The following PLAGL1 variants were observed in gnomAD, a reference collection of about 807,000 sequenced individuals.
PLAGL1 encodes zinc finger protein PLAGL1.
PLAGL1 carries 1 observed loss-of-function variant against 4.6 expected under a neutral mutation model. The observed-to-expected ratio is 0.22, with a 90% CI of 0.08 to 1.03. The LOEUF is 1.03. Among genes scored for constraint, PLAGL1 ranks in the 50% least tolerant of loss-of-function variants. PLAGL1 has a pLI of 0.58. For synonymous variants in PLAGL1, 240 were observed against 237.8 expected (o/e 1.01, Z -0.08); for missense variants, 464 against 570.4 (o/e 0.81, Z 1.90).
intron 1 of PLAGL1, among the ~76,000 whole-genome samples, chr6:143,996,892 G>A (rs1791741085): frequency 6.6e-6 from 1 of 152,184 alleles, no homozygotes; most frequent in South Asian, 2.1e-4. Flanking sequence ...ATTTGAGATA[G>A]ATGATGGAAT....
chr6:143,996,538 C>G (rs1177773229), intron 1 of PLAGL1, among the ~76,000 whole-genome samples: 1 of 151,268 alleles, frequency 6.6e-6, no homozygotes, highest in Admixed American at 6.6e-5. Flanking sequence ...ACGTTACTGA[C>G]AAGATGTAGG....
chr6:143,961,320 C>G lies in PLAGL1; in HGVS notation c.-398-778G>C, dbSNP rs547497931. On this transcript the variant is annotated intron_variant, in intron 5 of 7. Coordinates refer to ENST00000674357, the MANE Select transcript of PLAGL1 (RefSeq NM_001317162.2). This position sits in a 1 kb window ranked among gnomAD's most constrained non-coding sequence, Gnocchi z 6.5. ...CTATTCCAACCAACTGATCCTCTTA[C>G]AGGGAAAGCTTTTCAGGATTTTCTT... The G allele has an allele frequency of 6.6e-6, 1 of 152,218 alleles. No homozygotes were observed. Among genetic ancestry groups the G allele is most frequent in the Non-Finnish European group, 1.5e-5 (1 of 68,044 alleles). 9.4% of individuals were successfully genotyped at this position (152,218 alleles called of 1,614,324 possible).
At chr6:144,028,946 T>G (rs377275841) in intron 1 of PLAGL1, among the ~76,000 whole-genome samples, 1 of 152,226 alleles carries the variant, frequency 6.6e-6, no homozygotes, top group East Asian at 1.9e-4. Context: ...TTCTCATTTT[T>G]TATGTAATTG....
rs987644811 is a variant in PLAGL1, at chr6:143,957,528, G to A, written c.-325+2941C>T. Reference sequence around the variant, plus strand: ...ATCTCTTTTCCTGGGACTCTTAAGTGTAGGACATGGAGGAACCAGAACTCT... The same window carrying A: ...ATCTCTTTTCCTGGGACTCTTAAGTATAGGACATGGAGGAACCAGAACTCT... On this transcript the variant is annotated intron_variant, in intron 6 of 7. Transcript: ENST00000674357. This position sits in a 1 kb window ranked among gnomAD's most constrained non-coding sequence, Gnocchi z 4.2. Among the ~76,000 whole-genome samples the A allele has an allele frequency of 6.6e-6, 1 of 152,228 alleles. No individual in the cohort carries two copies. Among genetic ancestry groups the A allele is most frequent in the Non-Finnish European group, 1.5e-5 (1 of 68,040 alleles).
intron 1 of PLAGL1, among the ~76,000 whole-genome samples, chr6:144,041,653 C>T (rs1340291793): frequency 6.6e-6 from 1 of 152,170 alleles, no homozygotes; most frequent in African/African-American, 2.4e-5. Flanking sequence ...ACAATATCTG[C>T]ATGTGTCTTC....
intron 6 of PLAGL1, among the ~76,000 whole-genome samples, chr6:143,956,908 A>G (rs1179458679): frequency 6.6e-6 from 1 of 152,226 alleles, no homozygotes; most frequent in Non-Finnish European, 1.5e-5. Flanking sequence ...GAAGTGCTTC[A>G]TCTCTCACAG....
rs756701515 is a variant in PLAGL1, at chr6:143,954,054, G to T, written c.-324-5594C>A. ...CTCTCTCTCAGGGCAGGAGGATGGA[G>T]GAGTCTTCCCTGGGAAGCTGACCAG... On this transcript the variant is annotated intron_variant, in intron 6 of 7. Transcript: ENST00000674357. This position sits in a 1 kb window ranked among gnomAD's most constrained non-coding sequence, Gnocchi z 5.1. Among the ~76,000 whole-genome samples the T allele has an allele frequency of 6.6e-6, 1 of 152,156 alleles. No individual in the cohort carries two copies. Among genetic ancestry groups the T allele is most frequent in the Non-Finnish European group, 1.5e-5 (1 of 68,038 alleles).
rs1028098936 is a variant in PLAGL1 at position 144,050,428 on chromosome 6, C to T, written c.-151+14040G>A. Among the ~76,000 whole-genome samples the T allele has an allele frequency of 1.3e-5, 2 of 152,190 alleles. No individual in the cohort carries two copies. The highest frequency in any genetic ancestry group is 6.5e-5 in the Admixed American group (1 of 15,276). On this transcript the variant is annotated intron_variant, in intron 1 of 3. Transcript: ENST00000437412. The surrounding 1 kb of genome is among the most constrained non-coding windows in gnomAD (Gnocchi z 4.3). ...AAATCCCTTCTCAGAGCATTTTTATCGCTCATATGTTATTCTCTTTTCTTC... is the reference window on the plus strand; with the variant it reads ...AAATCCCTTCTCAGAGCATTTTTATTGCTCATATGTTATTCTCTTTTCTTC...
rs1356585332 is a variant in PLAGL1 at position 144,000,152 on chromosome 6, GCAA to G, written c.-584+7935_-584+7937del. On this transcript the variant is annotated intron_variant, in intron 1 of 7. Transcript: ENST00000674357. The surrounding 1 kb of genome is among the most constrained non-coding windows in gnomAD (Gnocchi z 4.1). ...AGAAGAAGAGAACTTTAAATATCCC[GCAA>G]CAACATCACACTAAGCTTCAGTGCT... Among the ~76,000 whole-genome samples the G allele has an allele frequency of 4.6e-5, 7 of 152,020 alleles. No homozygotes were observed. Among genetic ancestry groups the G allele is most frequent in the Admixed American group, 3.3e-4 (5 of 15,254 alleles).
intron 6 of PLAGL1, among the ~76,000 whole-genome samples, chr6:143,951,521 A>T (rs1781073778): frequency 6.6e-6 from 1 of 152,246 alleles, no homozygotes; most frequent in Non-Finnish European, 1.5e-5. Flanking sequence ...GAGTACAAAG[A>T]AAAAAATAAA....
At chr6:143,977,092 C>G (rs922790976) in intron 2 of PLAGL1, among the ~76,000 whole-genome samples, 35 of 149,104 alleles carry the variant, frequency 2.3e-4, no homozygotes, top group African/African-American at 2.0e-4. Context: ...TTCCCCCCCC[C>G]CAACACACTT....
chr6:144,019,099 G>A (rs534730599), intron 1 of PLAGL1, among the ~76,000 whole-genome samples: 1 of 152,104 alleles, frequency 6.6e-6, no homozygotes, highest in South Asian at 2.1e-4. Flanking sequence ...AAAGACAAAC[G>A]CTGAGATTCC....
intron 1 of PLAGL1, among the ~76,000 whole-genome samples, chr6:144,003,470 A>C (rs1793400664): frequency 6.6e-6 from 1 of 152,100 alleles, no homozygotes; most frequent in Admixed American, 6.5e-5. Flanking sequence ...TAAAAATACA[A>C]AAAATTATCC....
intron 1 of PLAGL1, among the ~76,000 whole-genome samples, chr6:144,025,087 A>G (rs1164945463): frequency 6.6e-6 from 1 of 152,204 alleles, no homozygotes; most frequent in Non-Finnish European, 1.5e-5. Flanking sequence ...CCAGACAAAC[A>G]TCACCTCAGC....
upstream of PLAGL1, among the ~76,000 whole-genome samples, chr6:144,012,766 G>A (rs535553659): frequency 3.9e-5 from 6 of 152,274 alleles, no homozygotes; most frequent in East Asian, 9.6e-4. The surrounding 1 kb of genome is among the most constrained non-coding windows in gnomAD (Gnocchi z 4.8). Flanking sequence ...TGGCATTACA[G>A]CATGCCCTAG....
chr6:144,021,400 T>G (rs1169315956), intron 1 of PLAGL1, among the ~76,000 whole-genome samples: 2 of 152,208 alleles, frequency 1.3e-5, no homozygotes, highest in Non-Finnish European at 2.9e-5. Context: ...TTTAAGGTAT[T>G]GTACACTTTG....
At position 144,036,409 on chromosome 6, in the gene PLAGL1, C is replaced by A. The variant is rs1313252606; in HGVS notation, c.-151+28059G>T. ...GACAGCCAGCCCACATGCCCAGTAC[C>A]AAAGGGGCACATGCTCCACACCAAA... On this transcript the variant is annotated intron_variant, in intron 1 of 3. Coordinates refer to the PLAGL1 transcript ENST00000437412. The surrounding 1 kb of genome is among the most constrained non-coding windows in gnomAD (Gnocchi z 5.1). Among the ~76,000 whole-genome samples the A allele has an allele frequency of 6.6e-6, 1 of 152,156 alleles. No homozygotes were observed. Among genetic ancestry groups the A allele is most frequent in the Admixed American group, 6.5e-5 (1 of 15,284 alleles).
Position 143,959,713 on chromosome 6 carries a change from G to A in PLAGL1, c.-325+756C>T, listed in dbSNP as rs1782949609. On this transcript the variant is annotated intron_variant, in intron 6 of 7. Coordinates refer to ENST00000674357, the MANE Select transcript of PLAGL1 (RefSeq NM_001317162.2). The surrounding 1 kb of genome is among the most constrained non-coding windows in gnomAD (Gnocchi z 5.3). The stretch of plus-strand genomic sequence containing the variant: ...GGAAACTGAGGCTCAGAGGATTTAA[G>A]TTTACTGCCCATCAGCATGGACTAA... Among the ~76,000 whole-genome samples the A allele has an allele frequency of 3.3e-5, 5 of 152,170 alleles. No homozygotes were observed. The South Asian group carries it at 1.0e-3, about 31-fold the overall frequency.
At chr6:144,062,482 A>C (rs905872785) in intron 1 of PLAGL1, among the ~76,000 whole-genome samples, 77 of 150,982 alleles carry the variant, frequency 5.1e-4, no homozygotes, top group African/African-American at 1.8e-3. Context: ...AAAAAAAAAA[A>C]AAAAAAAAAA....
Sources: gnomAD v4.1 joint callset for allele counts (sites outside exome capture counted in the v4.1 genomes callset) on GRCh38, gnomAD v4.1.1 for gene constraint, Gnocchi (gnomAD v3.1) non-coding constraint, MANE v1.5 for transcripts, NCBI Gene and HGNC (gene_info 2026-07-23, HGNC 2026-07-21) for gene names.